The following ENAH variants were observed in gnomAD, a reference collection of about 807,000 sequenced individuals.
The protein encoded by ENAH is ENAH actin regulator, also known as protein enabled homolog.
ENAH carries 23 observed loss-of-function variants against 78.7 expected under a neutral mutation model. That is an observed-to-expected ratio of 0.29 (90% CI 0.21 to 0.41). The LOEUF (loss-of-function observed/expected upper bound fraction) is 0.41. Among genes scored for constraint, ENAH ranks in the 10% least tolerant of loss-of-function variants. The pLI, the probability that ENAH is intolerant of heterozygous loss-of-function variation, is 1.00. For synonymous variants in ENAH, 226 were observed against 241.0 expected (o/e 0.94, Z 0.58); for missense variants, 544 against 691.0 (o/e 0.79, Z 2.39).
At chr1:225,517,415 A>T in intron 5 of ENAH, 109 bp from the exon 6 acceptor site, 2 of 1,551,762 alleles carry the variant, frequency 1.3e-6, no homozygotes, top group Non-Finnish European at 1.7e-6. Flanking sequence ...GATGCGAGGG[A>T]AGGCAGTGGA....
chr1:225,507,917 A>G (rs779963656), intron 11 of ENAH, 34 bp downstream of exon 11: 3 of 1,442,304 alleles, frequency 2.1e-6, no homozygotes, highest in Non-Finnish European at 2.8e-6. Context: ...TTTTATACAA[A>G]TAAAATATAA....
At chr1:225,505,080 G>T (rs1175266623) in intron 11 of ENAH, 7 of 1,533,812 alleles carry the variant, frequency 4.6e-6, no homozygotes, top group South Asian at 3.4e-5. Flanking sequence ...CATTGAAAGG[G>T]ATACACAATA....
intron 11 of ENAH, among the ~76,000 whole-genome samples, chr1:225,507,391 G>A (rs1233343949): frequency 1.3e-5 from 2 of 151,964 alleles, no homozygotes; most frequent in Non-Finnish European, 1.5e-5. Flanking sequence ...ATGGGGAAAT[G>A]TGACTATATA....
At chr1:225,583,322 G>GC (rs2096828569) in intron 1 of ENAH, among the ~76,000 whole-genome samples, 3 of 151,356 alleles carry the variant, frequency 2.0e-5, no homozygotes, top group Non-Finnish European at 2.9e-5. Flanking sequence ...TGTAATCCCA[G>GC]CTACTCAGGA....
At chr1:225,626,549 A>G (rs1398778567) in intron 1 of ENAH, among the ~76,000 whole-genome samples, 6 of 152,256 alleles carry the variant, frequency 3.9e-5, no homozygotes, top group Admixed American at 2.6e-4. Flanking sequence ...CCATCTATGA[A>G]GCAGAGAGCA....
intron 1 of ENAH, among the ~76,000 whole-genome samples, chr1:225,625,676 C>T (rs992526187): frequency 6.6e-6 from 1 of 152,006 alleles, no homozygotes; most frequent in African/African-American, 2.4e-5. Flanking sequence ...CCAACGTGCC[C>T]GGCTAATTGT....
At chr1:225,612,400 A>G (rs897230391) in intron 1 of ENAH, among the ~76,000 whole-genome samples, 2 of 152,200 alleles carry the variant, frequency 1.3e-5, no homozygotes, top group African/African-American at 4.8e-5. Flanking sequence ...CAGAAAGCAG[A>G]TTCATGGCTG....
At chr1:225,600,645 C>T (rs927146530) in intron 1 of ENAH, among the ~76,000 whole-genome samples, 1 of 151,182 alleles carries the variant, frequency 6.6e-6, no homozygotes, top group African/African-American at 2.4e-5. Flanking sequence ...ATTGCTTGAG[C>T]CCAAGGGTTC....
At chr1:225,603,893 A>T (rs535490029) in intron 1 of ENAH, among the ~76,000 whole-genome samples, 1 of 152,350 alleles carries the variant, frequency 6.6e-6, no homozygotes, top group East Asian at 1.9e-4. Flanking sequence ...ATCACTTAGA[A>T]TCAACCACAA....
At chr1:225,623,390 G>C (rs75261224) in intron 1 of ENAH, among the ~76,000 whole-genome samples, 1 of 152,134 alleles carries the variant, frequency 6.6e-6, no homozygotes, top group African/African-American at 2.4e-5. Flanking sequence ...AAGAAATTAA[G>C]TCTTTATCAG....
chr1:225,504,206 G>A (rs932320577), intron 11 of ENAH, among the ~76,000 whole-genome samples: 8 of 151,810 alleles, frequency 5.3e-5, no homozygotes, highest in East Asian at 1.9e-4. Context: ...ATGGGGTCTC[G>A]CTATGTTTCC....
intron 1 of ENAH, among the ~76,000 whole-genome samples, chr1:225,595,996 C>T (rs910051134): frequency 8.5e-5 from 13 of 152,104 alleles, no homozygotes; most frequent in African/African-American, 2.9e-4. Flanking sequence ...AGAGGATACC[C>T]TTTTGGTTAA....
chr1:225,615,333 C>T (rs1047710894), intron 1 of ENAH, among the ~76,000 whole-genome samples: 6 of 152,300 alleles, frequency 3.9e-5, no homozygotes, highest in African/African-American at 1.4e-4. Context: ...ACGGAGTCTC[C>T]CTCACTCAGT....
chr1:225,506,648 C>T (rs1232929800), intron 11 of ENAH, among the ~76,000 whole-genome samples: 1 of 152,182 alleles, frequency 6.6e-6, no homozygotes, highest in Non-Finnish European at 1.5e-5. Context: ...CCACCAAAAG[C>T]AATTCCCCCT....
chr1:225,542,853 T>A (rs78975479), intron 3 of ENAH, among the ~76,000 whole-genome samples: 73 of 152,044 alleles, frequency 4.8e-4, no homozygotes, highest in African/African-American at 1.7e-3. Flanking sequence ...GCCTCATCTC[T>A]ACAAAAAAAT....
At chr1:225,603,861 A>G (rs2148034016) in intron 1 of ENAH, among the ~76,000 whole-genome samples, 1 of 152,340 alleles carries the variant, frequency 6.6e-6, no homozygotes, top group Middle Eastern at 3.4e-3. Context: ...ATGGGTTTAA[A>G]TGGTCAAAAT....
chr1:225,572,031 T>C (rs898400296), intron 1 of ENAH, among the ~76,000 whole-genome samples: 3 of 152,166 alleles, frequency 2.0e-5, no homozygotes, highest in Non-Finnish European at 4.4e-5. Flanking sequence ...GTATTTGCAG[T>C]TGGCTAAGCA....
intron 1 of ENAH, among the ~76,000 whole-genome samples, chr1:225,602,101 G>C (rs1434322673): frequency 6.6e-6 from 1 of 151,918 alleles, no homozygotes; most frequent in Non-Finnish European, 1.5e-5. Flanking sequence ...TCAAGAAAAA[G>C]ACAAAGAAGA....
chr1:225,532,040 A>C (rs1182444269), intron 3 of ENAH, among the ~76,000 whole-genome samples: 2 of 152,126 alleles, frequency 1.3e-5, no homozygotes, highest in Non-Finnish European at 2.9e-5. Context: ...ATAACAAAAA[A>C]AAACAAAACT....
Sources: gnomAD v4.1 joint callset for allele counts (sites outside exome capture counted in the v4.1 genomes callset) on GRCh38, gnomAD v4.1.1 for gene constraint, MANE v1.5 for transcripts, NCBI Gene and HGNC (gene_info 2026-07-23, HGNC 2026-07-21) for gene names.